Variants in GNB4 observed in about 807,000 individuals in gnomAD.
GNB4 encodes guanine nucleotide-binding protein subunit beta-4.
A neutral mutation model predicts 45.2 loss-of-function variants in GNB4; 28 were observed. The observed-to-expected ratio is 0.62, with a 90% CI of 0.46 to 0.85. The LOEUF (loss-of-function observed/expected upper bound fraction) is 0.85, where lower values mean the gene tolerates loss of function less well. GNB4 is among the 40% of genes least tolerant of loss of function. GNB4 has a pLI of 0.00. For synonymous variants in GNB4, 132 were observed against 143.7 expected (o/e 0.92, Z 0.58); for missense variants, 321 against 425.4 (o/e 0.75, Z 2.16).
chr3:179,490,396 A>C, the GNB4 span, among the ~76,000 whole-genome samples: 1 of 152,200 alleles, frequency 6.6e-6, no homozygotes, highest in Admixed American at 6.5e-5. Flanking sequence ...GAAGCGATAG[A>C]AAATAGACAG....
Position 179,413,415 on chromosome 3 carries a change from G to T in GNB4, c.696C>A (p.Val232=). The T allele has an allele frequency of 6.2e-7, 1 of 1,609,014 alleles. No homozygotes were observed. Among genetic ancestry groups the T allele is most frequent in the South Asian group, 1.1e-5 (1 of 90,990 alleles). Residue 232 remains valine, a synonymous_variant, in exon 8 of 10, where the codon GTC becomes GTA. Coordinates refer to ENST00000232564, the MANE Select transcript of GNB4 (RefSeq NM_021629.4). ...TCTAGAAATGCTATTCACTTACACT[G>T]ACAGCATTGATATCTGAGACATGTC... is the stretch of plus-strand genomic sequence containing the variant. ...FTGHVSDINA[V]SFFPNGYAFA...
At chr3:179,461,541 A>T in the GNB4 span, among the ~76,000 whole-genome samples, 1 of 152,096 alleles carries the variant, frequency 6.6e-6, no homozygotes, top group Admixed American at 6.5e-5. Context: ...ATTTGGAAGG[A>T]ATTCCTAGGT....
the GNB4 span, among the ~76,000 whole-genome samples, chr3:179,481,609 G>A: frequency 8.5e-5 from 13 of 152,186 alleles, no homozygotes; most frequent in Non-Finnish European, 1.5e-4. Context: ...CAAAGTGCTA[G>A]CATTATAGGG....
At chr3:179,497,937 G>A in the GNB4 span, among the ~76,000 whole-genome samples, 18 of 152,284 alleles carry the variant, frequency 1.2e-4, no homozygotes, top group Middle Eastern at 3.4e-3. Context: ...CTTATGTGCC[G>A]TTGATAGGAT....
chr3:179,509,981 G>A, the GNB4 span, among the ~76,000 whole-genome samples: 661 of 151,980 alleles, frequency 4.3e-3, 5 homozygotes, highest in Middle Eastern at 0.024. Context: ...GCACTGTCAC[G>A]CCCAGCTAAT....
At chr3:179,404,074 T>C (rs1184394278) in intron 9 of GNB4, among the ~76,000 whole-genome samples, 1 of 150,554 alleles carries the variant, frequency 6.6e-6, no homozygotes, top group Non-Finnish European at 1.5e-5. Flanking sequence ...AAAACTGGCA[T>C]AAAGTGTGAA....
chr3:179,462,156 ATGTC>A, the GNB4 span, among the ~76,000 whole-genome samples: 3 of 147,574 alleles, frequency 2.0e-5, no homozygotes, highest in African/African-American at 5.2e-5. Flanking sequence ...TCCTTTGTGT[ATGTC>A]TGTGTGTGTG....
the GNB4 span, among the ~76,000 whole-genome samples, chr3:179,468,844 T>C: frequency 6.6e-6 from 1 of 152,188 alleles, no homozygotes; most frequent in African/African-American, 2.4e-5. Context: ...TTTTTCCTGA[T>C]ACAGGAGAGA....
the GNB4 span, among the ~76,000 whole-genome samples, chr3:179,463,497 C>T: frequency 5.9e-5 from 9 of 152,188 alleles, no homozygotes. Flanking sequence ...CTGCCAAGTG[C>T]TTGTGTAATC....
At chr3:179,402,907 C>T (rs1355989143) in intron 9 of GNB4, among the ~76,000 whole-genome samples, 2 of 152,120 alleles carry the variant, frequency 1.3e-5, no homozygotes, top group Non-Finnish European at 2.9e-5. Flanking sequence ...AGGCCAGAGA[C>T]TCACTCAGAG....
chr3:179,401,434 C>A, intron 9 of GNB4, 115 bp from the exon 10 acceptor site: 2 of 465,388 alleles, frequency 4.3e-6, no homozygotes, highest in South Asian at 1.4e-4. Flanking sequence ...CTTGAAAGTT[C>A]ATCAGTTAAA....
chr3:179,504,014 AC>A, the GNB4 span, among the ~76,000 whole-genome samples: 1 of 152,096 alleles, frequency 6.6e-6, no homozygotes, highest in Non-Finnish European at 1.5e-5. Flanking sequence ...TTCCAAGCAG[AC>A]TTTTTCCCCA....
the GNB4 span, among the ~76,000 whole-genome samples, chr3:179,461,492 G>A: frequency 2.0e-4 from 13 of 66,314 alleles, no homozygotes; most frequent in East Asian, 7.2e-4. Context: ...GCGAGACTCC[G>A]TCTCAAAAAA....
At chr3:179,487,453 C>A in the GNB4 span, among the ~76,000 whole-genome samples, 1 of 152,132 alleles carries the variant, frequency 6.6e-6, no homozygotes, top group African/African-American at 2.4e-5. Flanking sequence ...CCGGAGAAAC[C>A]TTAAAAACTG....
chr3:179,405,131 G>A (rs1164471454), intron 9 of GNB4, 59 bp downstream of exon 9: 3 of 1,328,372 alleles, frequency 2.3e-6, no homozygotes, highest in Non-Finnish European at 3.2e-6. Context: ...GAACACAACT[G>A]ATGGGAACCT....
At chr3:179,515,499 C>CG in the GNB4 span, among the ~76,000 whole-genome samples, 1 of 149,720 alleles carries the variant, frequency 6.7e-6, no homozygotes, top group Non-Finnish European at 1.5e-5. Flanking sequence ...TGGGCAGGGG[C>CG]GGGGGTCACA....
chr3:179,450,035 A>G (rs930162480), intron 1 of GNB4, among the ~76,000 whole-genome samples: 4 of 152,244 alleles, frequency 2.6e-5, no homozygotes, highest in Non-Finnish European at 5.9e-5. Flanking sequence ...ACCAACCTAA[A>G]ATATCACAAG....
the GNB4 span, among the ~76,000 whole-genome samples, chr3:179,477,515 CAT>C: frequency 5.3e-5 from 8 of 152,298 alleles, no homozygotes; most frequent in Admixed American, 2.0e-4. Flanking sequence ...CTCATTTTCA[CAT>C]GAGACCTTAT....
At chr3:179,518,918 C>T in the GNB4 span, among the ~76,000 whole-genome samples, 8 of 152,254 alleles carry the variant, frequency 5.3e-5, no homozygotes, top group South Asian at 2.1e-4. Context: ...AATTAAATTC[C>T]GGCCCTCAAA....
Sources: gnomAD v4.1 joint callset for allele counts (sites outside exome capture counted in the v4.1 genomes callset) on GRCh38, gnomAD v4.1.1 for gene constraint, MANE v1.5 for transcripts, NCBI Gene and HGNC (gene_info 2026-07-23, HGNC 2026-07-21) for gene names.